The following STAB1 variants were observed in gnomAD, a reference collection of about 807,000 sequenced individuals.
STAB1 encodes the protein stabilin-1.
Under a neutral mutation model 332.4 loss-of-function variants are expected in STAB1, and 250 were observed. The observed-to-expected ratio is 0.75, with a 90% CI of 0.68 to 0.84. The LOEUF (loss-of-function observed/expected upper bound fraction) is 0.84. STAB1 is among the 40% of genes least tolerant of loss of function. The pLI is 0.00. For missense variants in STAB1, 3,249 were observed against 3,489.7 expected (o/e 0.93, Z 1.74); for synonymous variants, 1,475 against 1,390.4 (o/e 1.06, Z -1.35).
At chr3:52,516,302 C>G (rs2078861684) in intron 38 of STAB1, 54 bp from the exon 39 acceptor site, 3 of 1,606,900 alleles carry the variant, frequency 1.9e-6, no homozygotes, top group Admixed American at 3.4e-5. Flanking sequence ...GAGACCCCAG[C>G]CGGGACAGGA....
At chr3:52,519,876 GC>G (rs2079014788) in intron 50 of STAB1, 67 bp from the exon 51 acceptor site, 2 of 1,498,354 alleles carry the variant, frequency 1.3e-6, no homozygotes, top group South Asian at 1.3e-5. Flanking sequence ...CTGTGGCACA[GC>G]CCCCTGCCTT....
intron 20 of STAB1, 80 bp from the exon 21 acceptor site, chr3:52,508,193 T>C: frequency 7.0e-7 from 1 of 1,436,538 alleles, no homozygotes; most frequent in East Asian, 2.3e-5. Flanking sequence ...ACTCTGGAGA[T>C]GGGGCCAGGG....
rs754920016 is a variant in STAB1 at position 52,517,408 on chromosome 3, G to A, written c.4563+15G>A. On this transcript the variant is annotated intron_variant, in intron 43 of 68. Transcript: ENST00000321725. ...GCCCCCAGCAGGTCAGCATGGCAGG[G>A]TTGGACATGGGGCATCATGCCATGC... 1.3e-6 allele frequency: 2 copies of A among 1,593,524 alleles called. No individual in the cohort carries two copies. Among genetic ancestry groups the A allele is most frequent in the Non-Finnish European group, 1.7e-6 (2 of 1,171,242 alleles).
rs1205542405 is a variant in STAB1, at chr3:52,504,013, T to C, written c.1023-15T>C. 1 of 1,607,650 alleles carries C rather than the reference T, an allele frequency of 6.2e-7. No homozygotes were observed. The highest frequency in any genetic ancestry group is 1.3e-5 in the African/African-American group (1 of 74,856). On this transcript the variant is annotated splice_polypyrimidine_tract_variant and intron_variant, in intron 9 of 68. Transcript: ENST00000321725. ...CCTCAGCCTCCGCCCTGACTGGCTC[T>C]CCCTGGGAGCCCAGCTGTGTGTGCA...
chr3:52,517,741 C>T (rs917433847), intron 44 of STAB1, 117 bp downstream of exon 44: 20 of 1,553,514 alleles, frequency 1.3e-5, no homozygotes, highest in African/African-American at 1.4e-5. Context: ...GGGCTATCCT[C>T]CCGTCAAGCT....
chr3:52,508,793 G>A (rs1417777437), intron 21 of STAB1, among the ~76,000 whole-genome samples: 3 of 151,718 alleles, frequency 2.0e-5, no homozygotes, highest in African/African-American at 4.8e-5. Context: ...CTGCACTCCA[G>A]CCTGGGCAAC....
Position 52,514,733 on chromosome 3 carries a change from C to T in STAB1, c.3711C>T (p.Pro1237=). 6.2e-7 allele frequency: 1 copy of T among 1,613,140 alleles called. No homozygotes were observed. Among genetic ancestry groups the T allele is most frequent in the South Asian group, 1.1e-5 (1 of 91,084 alleles). The change falls in exon 35 of 69, where the codon CCC becomes CCT. Residue 1237 remains proline (P), a synonymous_variant. Transcript: ENST00000321725. ...PEVNHVPLEG[P]MLEAPGRSLI... is the part of the protein sequence containing the mutation. The stretch of plus-strand genomic sequence containing the variant: ...TGAACCATGTGCCACTGGAAGGCCC[C>T]ATGCTGGAGGCCCCTGGCCGCTCGC...
At chr3:52,515,351 C>A in intron 36 of STAB1, 72 bp from the exon 37 acceptor site, 2 of 1,434,386 alleles carry the variant, frequency 1.4e-6, no homozygotes, top group Non-Finnish European at 1.9e-6. Context: ...GTCCATCTGT[C>A]TGTCTCCCCA....
At position 52,505,653 on chromosome 3, in the gene STAB1, C is replaced by T. The variant is rs1559680717; in HGVS notation, c.1582-15C>T. ...TGGCCATGCAACCCCCTGAGCCTCC[C>T]TTGCACCACCACAGAACTGTGGGCT... On this transcript the variant is annotated splice_polypyrimidine_tract_variant and intron_variant, in intron 14 of 68. Coordinates refer to ENST00000321725, the MANE Select transcript of STAB1 (RefSeq NM_015136.3). 6.2e-7 allele frequency: 1 copy of T among 1,612,522 alleles called. No individual in the cohort carries two copies. Among genetic ancestry groups the T allele is most frequent in the South Asian group, 1.1e-5 (1 of 90,994 alleles).
At chr3:52,516,867 T>C in intron 41 of STAB1, 99 bp downstream of exon 41, 8 of 1,597,410 alleles carry the variant, frequency 5.0e-6, no homozygotes, top group Non-Finnish European at 6.8e-6. Flanking sequence ...CCCCTCACTG[T>C]CCCATCTCAG....
Position 52,516,157 on chromosome 3 carries a change from G to T in STAB1, c.4063G>T (p.Glu1355Ter). 1 of 1,612,254 alleles carries T rather than the reference G, an allele frequency of 6.2e-7. No homozygotes were observed. Among genetic ancestry groups the T allele is most frequent in the Non-Finnish European group, 8.5e-7 (1 of 1,179,740 alleles). The change falls in exon 38 of 69, where the codon GAG becomes TAG. Residue 1355 changes from glutamate (E) to a stop codon, truncating the protein, a stop_gained. Coordinates refer to ENST00000321725, the MANE Select transcript of STAB1 (RefSeq NM_015136.3). LOFTEE classifies it high-confidence loss of function. ...CCAGGACAGGTTCCTGGGCAGCGGG[G>T]AGTGCCACTGCCACGAGGGCTTCCA... Reference protein sequence around the residue: ...QCQDRFLGSGECHCHEGFHGT... With the variant: ...QCQDRFLGSG
At chr3:52,501,950 G>A (rs1158125003) in intron 3 of STAB1, 56 bp from the exon 4 acceptor site, 5 of 1,600,548 alleles carry the variant, frequency 3.1e-6, no homozygotes, top group Non-Finnish European at 4.3e-6. Flanking sequence ...GAGCTGCTGG[G>A]GTCAGGGTAA....
intron 21 of STAB1, 35 bp from the exon 22 acceptor site, chr3:52,509,175 C>G: frequency 1.3e-6 from 2 of 1,599,358 alleles, no homozygotes; most frequent in Non-Finnish European, 1.7e-6. Context: ...GAGTCCCTTT[C>G]CCATGACTGA....
chr3:52,515,135 T>G, intron 36 of STAB1, 90 bp downstream of exon 36: 2 of 1,507,276 alleles, frequency 1.3e-6, no homozygotes, highest in South Asian at 2.5e-5. Context: ...CAGCCCAGTT[T>G]TGCTTGGCCC....
Position 52,524,164 on chromosome 3 carries a change from C to T in STAB1, c.7607C>T (p.Ser2536Phe), listed in dbSNP as rs369409374. The change falls in exon 68 of 69, where the codon TCT (serine) becomes TTT (phenylalanine). Residue 2536 changes from serine (S) to phenylalanine (F), a missense_variant. Ser to Phe is a radical substitution (Grantham distance 155). Coordinates refer to ENST00000321725, the MANE Select transcript of STAB1 (RefSeq NM_015136.3). ...GAAGGGACCAACCCCACCCTGGTCTCTGTCCCCAACCCTGTCTTTGGCAGC... is the reference window on the plus strand; with the variant it reads ...GAAGGGACCAACCCCACCCTGGTCTTTGTCCCCAACCCTGTCTTTGGCAGC... Reference protein sequence around the residue: ...WQEGTNPTLVSVPNPVFGSDT... With the variant: ...WQEGTNPTLVFVPNPVFGSDT... 6.2e-7 allele frequency: 1 copy of T among 1,614,102 alleles called. No individual in the cohort carries two copies. The highest frequency in any genetic ancestry group is 8.5e-7 in the Non-Finnish European group (1 of 1,180,042).
At chr3:52,522,003 T>C in intron 58 of STAB1, 34 bp from the exon 59 acceptor site, 1 of 1,610,000 alleles carries the variant, frequency 6.2e-7, no homozygotes, top group Non-Finnish European at 8.5e-7. Flanking sequence ...TCCCCTGCAG[T>C]CACTAGGTCC....
rs759655580 is a variant in STAB1 at position 52,495,509 on chromosome 3, G to T, written c.78+18G>T. The T allele has an allele frequency of 1.5e-6, 2 of 1,319,782 alleles. No homozygotes were observed. The highest frequency in any genetic ancestry group is 1.9e-6 in the Non-Finnish European group (2 of 1,026,874). 81.8% of individuals were successfully genotyped at this position (1,319,782 alleles called of 1,614,324 possible). A position where few individuals can be genotyped will look rare whatever the true frequency, so the allele number is the denominator to read the frequency against. ...GGGGGCAGGTAAGTGTGAGCCAGTC[G>T]CAGGGGCACACGGCGTCTGGGCCCT... On this transcript the variant is annotated intron_variant, in intron 1 of 68. Transcript: ENST00000321725.
rs575521685 is a variant in STAB1, at chr3:52,495,338, C to T, written c.-76C>T. ...AAGGCCACTGCCCGCCCCGTCCCGCCTGCCTGTGCTGTGCCTGCCTCCTAG... is the reference window on the plus strand; with the variant it reads ...AAGGCCACTGCCCGCCCCGTCCCGCTTGCCTGTGCTGTGCCTGCCTCCTAG... On this transcript the variant is annotated 5_prime_UTR_variant, in exon 1 of 69. Transcript: ENST00000321725. The T allele has an allele frequency of 1.3e-5, 15 of 1,169,212 alleles. No homozygotes were observed. The African/African-American group carries it at 2.4e-4, about 18-fold the overall frequency. 72.4% of individuals were successfully genotyped at this position (1,169,212 alleles called of 1,614,324 possible).
rs749036780 is a variant in STAB1, at chr3:52,504,855, C to G, written c.1356C>G (p.Thr452=). The G allele has an allele frequency of 1.2e-6, 2 of 1,613,760 alleles. No individual in the cohort carries two copies. The highest frequency in any genetic ancestry group is 2.7e-5 in the African/African-American group (2 of 75,032). ...RWWTLAGQEI[T]VTFNQFTKYS... is the part of the protein sequence containing the mutation. ...GGACGCTGGCCGGGCAGGAGATCACCGTCACCTTTAACCAATTCACGGTGA... is the reference window on the plus strand; with the variant it reads ...GGACGCTGGCCGGGCAGGAGATCACGGTCACCTTTAACCAATTCACGGTGA... Residue 452 remains threonine (T), a synonymous_variant, in exon 12 of 69, where the codon ACC becomes ACG. Transcript: ENST00000321725.
Sources: gnomAD v4.1 joint callset for allele counts (sites outside exome capture counted in the v4.1 genomes callset) on GRCh38, gnomAD v4.1.1 for gene constraint, MANE v1.5 for transcripts, NCBI Gene and HGNC (gene_info 2026-07-23, HGNC 2026-07-21) for gene names.